The following VAMP4 variants were observed in gnomAD, a reference collection of about 807,000 sequenced individuals.
VAMP4 encodes vesicle-associated membrane protein 4.
A neutral mutation model predicts 23.5 loss-of-function variants in VAMP4; 19 were observed. The observed-to-expected ratio is 0.81, with a 90% CI of 0.56 to 1.19. The LOEUF (loss-of-function observed/expected upper bound fraction) is 1.19, where lower values mean the gene tolerates loss of function less well. Among genes scored for constraint, VAMP4 ranks in the 50% most tolerant of loss-of-function variants. The pLI is 0.00. For missense variants in VAMP4, 145 were observed against 168.6 expected (o/e 0.86, Z 0.78); for synonymous variants, 31 against 51.0 (o/e 0.61, Z 1.67).
Position 171,709,746 on chromosome 1 carries a change from T to C in VAMP4, c.266-2A>G. 1 of 1,609,624 alleles carries C rather than the reference T, an allele frequency of 6.2e-7. No individual in the cohort carries two copies. Among genetic ancestry groups the C allele is most frequent in the Non-Finnish European group, 8.5e-7 (1 of 1,176,242 alleles). On this transcript the variant is annotated splice_acceptor_variant, in intron 5 of 7. Coordinates refer to ENST00000236192, the MANE Select transcript of VAMP4 (RefSeq NM_003762.5). LOFTEE classifies it high-confidence loss of function. ...CTGTTGCATTATCCGATAAGCTTTC[T>C]ATATCACATAGAGGATGGAGAGAAG...
intron 2 of VAMP4, among the ~76,000 whole-genome samples, chr1:171,731,112 G>C (rs113288959): frequency 5.9e-5 from 9 of 152,154 alleles, no homozygotes; most frequent in Non-Finnish European, 8.8e-5. Flanking sequence ...GTATTTTTGT[G>C]TATCTTTTAC....
chr1:171,740,131 C>T (rs766709417), intron 1 of VAMP4, among the ~76,000 whole-genome samples: 4 of 152,104 alleles, frequency 2.6e-5, no homozygotes, highest in Admixed American at 1.3e-4. Flanking sequence ...AGTTTAGTAA[C>T]GATAACGTTA....
chr1:171,730,424 A>T (rs1218919710), intron 2 of VAMP4, among the ~76,000 whole-genome samples: 6 of 152,248 alleles, frequency 3.9e-5, no homozygotes, highest in Non-Finnish European at 8.8e-5. Context: ...AGCTTTTGAA[A>T]AAAATACATA....
chr1:171,734,262 C>T (rs1228528424), intron 2 of VAMP4, among the ~76,000 whole-genome samples: 2 of 119,132 alleles, frequency 1.7e-5, no homozygotes, highest in South Asian at 5.1e-4. Context: ...AGGGAGACTC[C>T]GTCTCAAAAA....
intron 7 of VAMP4, 129 bp downstream of exon 7, chr1:171,706,238 T>C (rs1345707818): frequency 1.3e-6 from 1 of 762,860 alleles, no homozygotes; most frequent in Non-Finnish European, 2.0e-6. Context: ...TAAGAGCTCC[T>C]GAGACAGGTC....
intron 3 of VAMP4, among the ~76,000 whole-genome samples, chr1:171,723,163 A>T (rs1236508095): frequency 6.7e-6 from 1 of 148,832 alleles, no homozygotes; most frequent in East Asian, 1.9e-4. Context: ...GATTATAGAG[A>T]TCACATGCTT....
At chr1:171,707,974 A>G (rs1310636155) in intron 6 of VAMP4, among the ~76,000 whole-genome samples, 9 of 152,124 alleles carry the variant, frequency 5.9e-5, no homozygotes, top group Middle Eastern at 3.2e-3. Flanking sequence ...GTTTTTCTAA[A>G]TTAGCCCACA....
At chr1:171,738,782 C>CAATTTA (rs1655824985) in intron 1 of VAMP4, among the ~76,000 whole-genome samples, 1 of 152,176 alleles carries the variant, frequency 6.6e-6, no homozygotes, top group African/African-American at 2.4e-5. Flanking sequence ...AAATGCTTTA[C>CAATTTA]AATTTAAAGT....
chr1:171,713,271 T>C (rs1359518908), intron 4 of VAMP4, among the ~76,000 whole-genome samples: 2 of 146,116 alleles, frequency 1.4e-5, no homozygotes, highest in African/African-American at 5.2e-5. Context: ...AAGGATCAAT[T>C]TTGAAATTCC....
intron 5 of VAMP4, 82 bp downstream of exon 5, chr1:171,710,632 T>G: frequency 9.2e-7 from 1 of 1,087,014 alleles, no homozygotes; most frequent in Non-Finnish European, 1.3e-6. Context: ...TAAGCCAAGA[T>G]TTGTAAACGT....
In VAMP4 at chr1:171,725,473, G is replaced by A. The variant is rs61807083; in HGVS notation, c.113+3051C>T. Among the ~76,000 whole-genome samples, 390 of 152,144 alleles carry A rather than the reference G, an allele frequency of 2.6e-3. 1 individual carries two copies. Among genetic ancestry groups the A allele is most frequent in the Non-Finnish European group, 4.3e-3 (294 of 68,000 alleles). ...ATCAGCAAACAATTAAAAAAAATGAGTTCCTTTTTGAGGGGTAGCTATTGC... is the reference window on the plus strand; with the variant it reads ...ATCAGCAAACAATTAAAAAAAATGAATTCCTTTTTGAGGGGTAGCTATTGC... On this transcript the variant is annotated intron_variant, in intron 3 of 7. Coordinates refer to ENST00000236192, the MANE Select transcript of VAMP4 (RefSeq NM_003762.5).
Position 171,719,230 on chromosome 1 carries a change from A to G in VAMP4, c.114-9T>C. 6.2e-7 allele frequency: 1 copy of G among 1,610,332 alleles called. No homozygotes were observed. Among genetic ancestry groups the G allele is most frequent in the Non-Finnish European group, 8.5e-7 (1 of 1,177,584 alleles). ...GTCCAGATGGTCCCCTTCTGAAAAC[A>G]AGTACATACCAAGTACATATTAGTA... On this transcript the variant is annotated splice_polypyrimidine_tract_variant and intron_variant, in intron 3 of 7. Coordinates refer to ENST00000236192, the MANE Select transcript of VAMP4 (RefSeq NM_003762.5).
intron 2 of VAMP4, among the ~76,000 whole-genome samples, chr1:171,734,782 T>C (rs1655685045): frequency 6.6e-6 from 1 of 152,172 alleles, no homozygotes; most frequent in Non-Finnish European, 1.5e-5. Flanking sequence ...TCAGTTCTGG[T>C]GTCTAATATA....
intron 3 of VAMP4, among the ~76,000 whole-genome samples, chr1:171,727,699 A>G (rs1262073978): frequency 2.0e-5 from 3 of 152,216 alleles, no homozygotes; most frequent in Admixed American, 2.0e-4. Flanking sequence ...CAACCCAAAA[A>G]TCCACACATA....
chr1:171,741,661 C>T (rs1655927152), intron 1 of VAMP4, among the ~76,000 whole-genome samples: 1 of 152,112 alleles, frequency 6.6e-6, no homozygotes, highest in Admixed American at 6.5e-5. Flanking sequence ...CCCATCACCC[C>T]AGAGTACCCC....
At chr1:171,734,267 CAAAA>C (rs35870022) in intron 2 of VAMP4, among the ~76,000 whole-genome samples, 1 of 79,656 alleles carries the variant, frequency 1.3e-5, no homozygotes, top group Non-Finnish European at 2.5e-5. Context: ...GACTCCGTCT[CAAAA>C]AAAAAAAAAA....
chr1:171,733,612 A>G (rs1015975640), intron 2 of VAMP4, among the ~76,000 whole-genome samples: 4 of 152,234 alleles, frequency 2.6e-5, no homozygotes, highest in Non-Finnish European at 4.4e-5. Context: ...TGCTAGGGAT[A>G]CAGTGTCAAA....
chr1:171,729,133 GACAGTCTC>G (rs1180722704), intron 2 of VAMP4, among the ~76,000 whole-genome samples: 1 of 152,118 alleles, frequency 6.6e-6, no homozygotes, highest in Admixed American at 6.5e-5. Flanking sequence ...TTAAAATGAG[GACAGTCTC>G]ACCTTCTCCC....
chr1:171,715,901 T>C (rs1241177498), intron 4 of VAMP4, among the ~76,000 whole-genome samples: 1 of 152,016 alleles, frequency 6.6e-6, no homozygotes, highest in Non-Finnish European at 1.5e-5. Flanking sequence ...ACTCAGGAGC[T>C]GAGGTGGAAG....
Sources: allele counts gnomAD v4.1 joint callset (sites outside exome capture counted in the v4.1 genomes callset), GRCh38; gene constraint gnomAD v4.1.1; transcripts MANE v1.5; gene names NCBI Gene and HGNC (gene_info 2026-07-23, HGNC 2026-07-21).